Variants in RFC1 observed in about 807,000 individuals in gnomAD.
The protein encoded by RFC1 is replication factor C subunit 1, also known as A1 140 kDa subunit.
Under a neutral mutation model 137.4 loss-of-function variants are expected in RFC1, and 37 were observed. That is an observed-to-expected ratio of 0.27 (90% confidence interval 0.21 to 0.35). The LOEUF is 0.35. Among genes scored for constraint, RFC1 ranks in the 10% least tolerant of loss-of-function variants. The pLI is 1.00. For missense variants in RFC1, 1,205 were observed against 1,358.5 expected (o/e 0.89, Z 1.78); for synonymous variants, 429 against 455.7 (o/e 0.94, Z 0.75).
chr4:39,359,753 C>T lies in RFC1; in HGVS notation c.3+6486G>A, dbSNP rs565781059. ...AGGAGAATGGCATGAACCCGGGAGG[C>T]GGACCTTGCAGTGAGCCAAGATTGC... On this transcript the variant is annotated intron_variant, in intron 1 of 24. Transcript: ENST00000349703. Among the ~76,000 whole-genome samples the T allele has an allele frequency of 1.7e-3, 249 of 150,872 alleles. 1 individual carries two copies. Among genetic ancestry groups the T allele is most frequent in the African/African-American group, 5.7e-3 (235 of 41,028 alleles).
chr4:39,340,200 A>G (rs569930630), intron 4 of RFC1, among the ~76,000 whole-genome samples: 3 of 152,226 alleles, frequency 2.0e-5, no homozygotes, highest in Non-Finnish European at 4.4e-5. Context: ...AAAAATGCCA[A>G]TAGAACCAAA....
chr4:39,300,757 A>G (rs1738312231), intron 19 of RFC1, among the ~76,000 whole-genome samples: 1 of 152,174 alleles, frequency 6.6e-6, no homozygotes, highest in African/African-American at 2.4e-5. Flanking sequence ...ACACAATGTA[A>G]TATTATTCAA....
chr4:39,349,308 C>T (rs766273226), intron 2 of RFC1, among the ~76,000 whole-genome samples: 3 of 152,108 alleles, frequency 2.0e-5, no homozygotes, highest in Non-Finnish European at 4.4e-5. Context: ...AAGCCCTAAC[C>T]CTCAGGGTGG....
rs533606527 is a variant in RFC1, at chr4:39,328,777, C to G, written c.332-1021G>C. Among the ~76,000 whole-genome samples the G allele has an allele frequency of 2.0e-5, 3 of 152,178 alleles. No individual in the cohort carries two copies. The South Asian group carries it at 6.2e-4, about 32-fold the overall frequency. ...GAATAGTTTGTGACCCAACTTAAGGCCTGTCATTTGGAAAACACACTGCAG... is the reference window on the plus strand; with the variant it reads ...GAATAGTTTGTGACCCAACTTAAGGGCTGTCATTTGGAAAACACACTGCAG... On this transcript the variant is annotated intron_variant, in intron 4 of 24. Transcript: ENST00000349703.
chr4:39,352,687 T>C (rs892859765), intron 1 of RFC1, among the ~76,000 whole-genome samples: 10 of 152,190 alleles, frequency 6.6e-5, no homozygotes, highest in Non-Finnish European at 1.5e-4. Context: ...CCTCACCTCA[T>C]TTCTGAACTA....
At chr4:39,343,766 T>C (rs1049835654) in intron 3 of RFC1, among the ~76,000 whole-genome samples, 6 of 152,332 alleles carry the variant, frequency 3.9e-5, no homozygotes, top group Non-Finnish European at 1.5e-5. Flanking sequence ...CCTTTGATAG[T>C]ACTGTGAAAA....
At chr4:39,364,889 T>C (rs187452044) in intron 1 of RFC1, among the ~76,000 whole-genome samples, 98 of 152,252 alleles carry the variant, frequency 6.4e-4, no homozygotes, top group Admixed American at 1.4e-3. Context: ...GTAATATAAC[T>C]ATAAATTAAT....
chr4:39,312,726 G>T, intron 11 of RFC1, 26 bp downstream of exon 11: 1 of 1,594,182 alleles, frequency 6.3e-7, no homozygotes. Flanking sequence ...GAGGTGTCAT[G>T]GTGTTGAGAA....
chr4:39,349,317 G>A (rs1578165652), intron 2 of RFC1, among the ~76,000 whole-genome samples: 1 of 152,160 alleles, frequency 6.6e-6, no homozygotes, highest in East Asian at 1.9e-4. Context: ...CCCTCAGGGT[G>A]GCTATATTTG....
chr4:39,291,942 T>C, intron 22 of RFC1, 90 bp from the exon 23 acceptor site: 1 of 910,922 alleles, frequency 1.1e-6, no homozygotes, highest in Non-Finnish European at 1.8e-6. Flanking sequence ...TCAGGCAGAG[T>C]TCAATCCAAT....
chr4:39,345,522 C>A (rs1740813848), intron 2 of RFC1, 46 bp from the exon 3 acceptor site: 3 of 1,473,568 alleles, frequency 2.0e-6, no homozygotes, highest in Non-Finnish European at 2.8e-6. Flanking sequence ...GCCTATATAA[C>A]TATCTTTTTT....
rs761384771 is a variant in RFC1, at chr4:39,316,937, A to G, written c.1181T>C (p.Leu394Pro). 1.2e-6 allele frequency: 2 copies of G among 1,613,732 alleles called. No individual in the cohort carries two copies. The highest frequency in any genetic ancestry group is 2.2e-5 in the East Asian group (1 of 44,876). ...SYLNREGPKA[L>P]GSKEIPKGAE... ...TACCTTTGGTATTTCTTTGGAGCCC[A>G]GAGCCTTGGGACCTTCTCGATTTAA... Residue 394 changes from leucine to proline, a missense_variant, in exon 10 of 25, where the codon CTG becomes CCG. This residue lies in a region of RFC1 where 962 missense variants were observed against 1,035.3 expected (regional missense o/e 0.93). Coordinates refer to ENST00000349703, the MANE Select transcript of RFC1 (RefSeq NM_002913.5).
chr4:39,304,949 C>G (rs905557486), intron 14 of RFC1, 21 bp from the exon 15 acceptor site: 2 of 1,387,322 alleles, frequency 1.4e-6, no homozygotes, highest in Non-Finnish European at 2.1e-6. Context: ...TATTGGAAAC[C>G]ACTGAAGGCA....
intron 22 of RFC1, among the ~76,000 whole-genome samples, chr4:39,292,615 A>ATTTAT (rs1737743242): frequency 6.9e-6 from 1 of 143,980 alleles, no homozygotes; most frequent in African/African-American, 2.6e-5. Flanking sequence ...ATATGTATAC[A>ATTTAT]TTATTTATTT....
chr4:39,333,390 A>C (rs565336049), intron 4 of RFC1, among the ~76,000 whole-genome samples: 1 of 152,236 alleles, frequency 6.6e-6, no homozygotes, highest in Non-Finnish European at 1.5e-5. Flanking sequence ...TCTTGGAGAT[A>C]ATCAGAGGTG....
chr4:39,300,218 G>A (rs1442924886), intron 20 of RFC1, 42 bp downstream of exon 20: 1 of 1,612,718 alleles, frequency 6.2e-7, no homozygotes, highest in Admixed American at 1.7e-5. Flanking sequence ...CCTTCGCAGT[G>A]CTGGATACTA....
chr4:39,291,494 T>A (rs1434097753), intron 23 of RFC1, 145 bp downstream of exon 23: 2 of 637,500 alleles, frequency 3.1e-6, no homozygotes, highest in Non-Finnish European at 5.6e-6. Flanking sequence ...AAATAGTATC[T>A]TTGGAAAATA....
chr4:39,356,543 T>A (rs1741490899), intron 1 of RFC1, among the ~76,000 whole-genome samples: 1 of 152,200 alleles, frequency 6.6e-6, no homozygotes, highest in Non-Finnish European at 1.5e-5. Context: ...ATTAAAAGAA[T>A]CTTTTAATTG....
chr4:39,335,377 T>C (rs1740298343), intron 4 of RFC1, among the ~76,000 whole-genome samples: 2 of 152,206 alleles, frequency 1.3e-5, no homozygotes, highest in African/African-American at 2.4e-5. Context: ...AGACATTCTA[T>C]ACATATCAGC....
Sources: allele counts gnomAD v4.1 joint callset (sites outside exome capture counted in the v4.1 genomes callset), GRCh38; gene constraint gnomAD v4.1.1; regional missense constraint gnomAD v4.1.1; transcripts MANE v1.5; gene names NCBI Gene and HGNC (gene_info 2026-07-23, HGNC 2026-07-21).